The following SOX5 variants were observed in gnomAD, a reference collection of about 807,000 sequenced individuals.
SOX5 encodes the protein SRY-box transcription factor 5, also known as transcription factor SOX-5.
Under a neutral mutation model 92.0 loss-of-function variants are expected in SOX5, and 9 were observed. That is an observed-to-expected ratio of 0.10 (90% CI 0.06 to 0.17). SOX5 has a LOEUF of 0.17. SOX5 is among the 10% of genes least tolerant of loss of function. The pLI, the probability that SOX5 is intolerant of heterozygous loss-of-function variation, is 1.00. For synonymous variants in SOX5, 344 were observed against 336.3 expected, an observed-to-expected ratio of 1.02 and a Z score of -0.25; for missense variants, 642 against 944.5, an observed-to-expected ratio of 0.68 and a Z score of 4.20.
intron 2 of SOX5, among the ~76,000 whole-genome samples, chr12:23,872,564 G>A (rs1297333417): frequency 6.6e-6 from 1 of 152,032 alleles, no homozygotes; most frequent in African/African-American, 2.4e-5. Context: ...GTAGACACTG[G>A]CAGTAAAAAT....
chr12:24,077,884 C>A (rs778858055), intron 4 of SOX5, among the ~76,000 whole-genome samples: 8 of 148,424 alleles, frequency 5.4e-5, no homozygotes, highest in Non-Finnish European at 1.0e-4. Context: ...CATAGCAATT[C>A]TGAATGTTAC....
At chr12:24,193,522 T>C (rs1956727204) in intron 4 of SOX5, among the ~76,000 whole-genome samples, 1 of 152,190 alleles carries the variant, frequency 6.6e-6, no homozygotes, top group African/African-American at 2.4e-5. Flanking sequence ...CACTACCACA[T>C]TTTAATAGAA....
intron 1 of SOX5, among the ~76,000 whole-genome samples, chr12:24,379,850 C>G (rs979723877): frequency 4.7e-5 from 7 of 147,820 alleles, no homozygotes; most frequent in Non-Finnish European, 7.4e-5. Context: ...AAAAAGAGTC[C>G]TAATTATTAC....
intron 7 of SOX5, among the ~76,000 whole-genome samples, chr12:23,654,094 T>C (rs2082015932): frequency 6.6e-6 from 1 of 152,130 alleles, no homozygotes. Context: ...ATTAGTTTTT[T>C]GTGCACGGTT....
chr12:24,454,563 C>T (rs1942770006), intron 1 of SOX5, among the ~76,000 whole-genome samples: 2 of 150,704 alleles, frequency 1.3e-5, no homozygotes, highest in South Asian at 4.2e-4. Context: ...ACGGGAATCG[C>T]TTTCTTTCTA....
In SOX5 at chr12:24,425,045, C is replaced by T. The variant is rs998941458; in HGVS notation, c.-250-56406G>A. On this transcript the variant is annotated intron_variant, in intron 1 of 4. Coordinates refer to the SOX5 transcript ENST00000446891. The stretch of plus-strand genomic sequence containing the variant: ...GGGGGGAGAGAGACAGAACTGCCTA[C>T]ATTAAGAGACTACAGAGCCATACAT... 2.6e-5 allele frequency among the ~76,000 whole-genome samples: 4 copies of T among 152,210 alleles called. No individual in the cohort carries two copies. The East Asian group carries it at 7.7e-4, about 29-fold the overall frequency.
rs1939133348 is a variant in SOX5, at chr12:23,531,749, A to G, written c.*2470T>C. 6.6e-6 allele frequency: 1 copy of G among 152,096 alleles called. No individual in the cohort carries two copies. The highest frequency in any genetic ancestry group is 2.4e-5 in the African/African-American group (1 of 41,404). The allele number at this position is 152,096 out of a possible 1,614,324, so 9.4% of individuals were successfully genotyped here. On this transcript the variant is annotated 3_prime_UTR_variant, in exon 15 of 15. Coordinates refer to ENST00000451604, the MANE Select transcript of SOX5 (RefSeq NM_006940.6). Reference sequence around the variant, plus strand: ...CTGTGGCAATTAAATAACTAAAATGAGTGATGAGAGCATAAGTTAATTAAG... The same window carrying G: ...CTGTGGCAATTAAATAACTAAAATGGGTGATGAGAGCATAAGTTAATTAAG...
intron 3 of SOX5, among the ~76,000 whole-genome samples, chr12:23,839,337 A>G (rs1340418163): frequency 1.3e-5 from 2 of 152,148 alleles, no homozygotes; most frequent in Non-Finnish European, 2.9e-5. Flanking sequence ...CCATATTTCC[A>G]TGGAGAACAT....
intron 3 of SOX5, among the ~76,000 whole-genome samples, chr12:24,250,260 C>T (rs541600188): frequency 1.3e-5 from 2 of 152,240 alleles, no homozygotes; most frequent in East Asian, 3.9e-4. Context: ...TAATCATCCT[C>T]GATATAATTT....
chr12:23,652,873 T>TATTC (rs888767148), intron 7 of SOX5, among the ~76,000 whole-genome samples: 2 of 152,154 alleles, frequency 1.3e-5, no homozygotes, highest in African/African-American at 2.4e-5. Flanking sequence ...CAATCTGTAG[T>TATTC]ATTCATTCCT....
At chr12:24,335,668 A>C (rs1951800856) in intron 2 of SOX5, among the ~76,000 whole-genome samples, 2 of 152,110 alleles carry the variant, frequency 1.3e-5, no homozygotes, top group African/African-American at 4.8e-5. Context: ...ATTTACATTA[A>C]AGTGTGAGAG....
intron 1 of SOX5, among the ~76,000 whole-genome samples, chr12:24,508,619 C>A (rs1356746243): frequency 6.6e-6 from 1 of 152,154 alleles, no homozygotes; most frequent in Non-Finnish European, 1.5e-5. Context: ...AGAATATATG[C>A]AGCAGCTGAA....
At chr12:24,514,860 C>T (rs569899928) in intron 1 of SOX5, among the ~76,000 whole-genome samples, 7 of 151,930 alleles carry the variant, frequency 4.6e-5, no homozygotes, top group Non-Finnish European at 7.4e-5. Flanking sequence ...GATGAGAACA[C>T]GTGGTGGGGA....
chr12:24,531,960 T>G (rs777993249), intron 1 of SOX5, among the ~76,000 whole-genome samples: 7 of 152,272 alleles, frequency 4.6e-5, no homozygotes, highest in East Asian at 3.9e-4. Flanking sequence ...AAAATTAGCA[T>G]GAGGACTTTT....
chr12:23,760,774 T>C (rs530505856), intron 3 of SOX5, among the ~76,000 whole-genome samples: 1 of 152,204 alleles, frequency 6.6e-6, no homozygotes, highest in East Asian at 1.9e-4. Context: ...TGCCAACATA[T>C]TGTAATTCTC....
chr12:23,878,877 A>G (rs1279329318), intron 2 of SOX5, among the ~76,000 whole-genome samples: 1 of 152,118 alleles, frequency 6.6e-6, no homozygotes, highest in African/African-American at 2.4e-5. Context: ...TTCTAGGATA[A>G]GACTCTCTAT....
intron 1 of SOX5, among the ~76,000 whole-genome samples, chr12:23,937,867 A>G (rs1239726838): frequency 6.6e-6 from 1 of 150,960 alleles, no homozygotes; most frequent in Non-Finnish European, 1.5e-5. Flanking sequence ...AATAAAAGTA[A>G]TACCATTCTT....
In SOX5 at chr12:23,895,865, T is replaced by C. The variant is rs1246845201; in HGVS notation, c.198A>G (p.Glu66=). The change falls in exon 2 of 15, where the codon GAA becomes GAG. Residue 66 remains glutamate, a synonymous_variant. Transcript: ENST00000451604. ...GCGTCAGCAGAGAAACTGGCTGAAA[T>C]TCCTCAGAGTGAGGCTTGTTGGGAA... ...VSFPNKPHSE[E]FQPVSLLTQE... is the part of the protein sequence containing the mutation. 1.1e-5 allele frequency: 17 copies of C among 1,613,996 alleles called. No individual in the cohort carries two copies. The highest frequency in any genetic ancestry group is 1.4e-5 in the Non-Finnish European group (17 of 1,180,008).
intron 3 of SOX5, among the ~76,000 whole-genome samples, chr12:24,262,685 A>T (rs1942330072): frequency 6.6e-6 from 1 of 152,124 alleles, no homozygotes; most frequent in Non-Finnish European, 1.5e-5. Context: ...GGACTGATGC[A>T]TTTTCTCCTC....
Sources: gnomAD v4.1 joint callset for allele counts (sites outside exome capture counted in the v4.1 genomes callset) on GRCh38, gnomAD v4.1.1 for gene constraint, MANE v1.5 for transcripts, NCBI Gene and HGNC (gene_info 2026-07-23, HGNC 2026-07-21) for gene names.